USP31: variants seen among roughly 807,000 people sequenced by gnomAD.
The protein encoded by USP31 is ubiquitin carboxyl-terminal hydrolase 31.
USP31 carries 44 observed loss-of-function variants against 119.4 expected under a neutral mutation model. The observed-to-expected ratio is 0.37, with a 90% CI of 0.29 to 0.47. The LOEUF is 0.47. USP31 is among the 20% of genes least tolerant of loss of function. The pLI, the probability that USP31 is intolerant of heterozygous loss-of-function variation, is 0.99. For synonymous variants in USP31, 749 were observed against 705.6 expected (o/e 1.06, Z -0.97); for missense variants, 1,643 against 1,730.2 (o/e 0.95, Z 0.89).
chr16:23,125,375 C>T (rs1209327469), intron 1 of USP31, among the ~76,000 whole-genome samples: 1 of 152,158 alleles, frequency 6.6e-6, no homozygotes. Context: ...CTCAGCAATA[C>T]CCTCTGAAGC....
intron 13 of USP31, among the ~76,000 whole-genome samples, chr16:23,076,036 C>T (rs989390412): frequency 1.9e-4 from 29 of 152,154 alleles, no homozygotes; most frequent in Admixed American, 1.3e-3. Flanking sequence ...CAGTGAGCCA[C>T]GATCACACAC....
Position 23,068,802 on chromosome 16 carries a change from C to T in USP31, c.3303G>A (p.Pro1101=), listed in dbSNP as rs1450483712. The change falls in exon 16 of 16, where the codon CCG becomes CCA. Residue 1101 remains proline (P), a synonymous_variant. Coordinates refer to ENST00000219689, the MANE Select transcript of USP31 (RefSeq NM_020718.4). Reference sequence around the variant, plus strand: ...GAGATGACACGGAGTCCTGAGATTTCGGGGATGACTCCTTTTTGGGTTGGG... The same window carrying T: ...GAGATGACACGGAGTCCTGAGATTTTGGGGATGACTCCTTTTTGGGTTGGG... The part of the protein sequence containing the change: ...APAQPKKESS[P]KSQDSVSSPS... The T allele has an allele frequency of 3.2e-6, 5 of 1,557,786 alleles. No homozygotes were observed. Among genetic ancestry groups the T allele is most frequent in the Middle Eastern group, 1.7e-4 (1 of 5,758 alleles).
intron 7 of USP31, among the ~76,000 whole-genome samples, chr16:23,088,903 C>T (rs924898717): frequency 6.6e-6 from 1 of 152,168 alleles, no homozygotes; most frequent in Non-Finnish European, 1.5e-5. Context: ...GACTCAGGCC[C>T]AGAGGGAAGT....
At chr16:23,073,194 T>C (rs1900417051) in intron 14 of USP31, among the ~76,000 whole-genome samples, 3 of 152,144 alleles carry the variant, frequency 2.0e-5, no homozygotes, top group Admixed American at 6.5e-5. Flanking sequence ...CACCTAATAT[T>C]ATCACAGCCA....
rs756700932 is a variant in USP31, at chr16:23,064,460, C to T, written c.*3586G>A. Reference sequence around the variant, plus strand: ...ACAATGTTCCCCTCAAATCCCACATCCGTCTCATACAAACATAAGATGACC... The same window carrying T: ...ACAATGTTCCCCTCAAATCCCACATTCGTCTCATACAAACATAAGATGACC... On this transcript the variant is annotated 3_prime_UTR_variant, in exon 16 of 16. Transcript: ENST00000219689. 3 of 152,184 alleles carry T rather than the reference C, an allele frequency of 2.0e-5. No homozygotes were observed. The highest frequency in any genetic ancestry group is 2.9e-5 in the Non-Finnish European group (2 of 68,034). 9.4% of individuals were successfully genotyped at this position (152,184 alleles called of 1,614,324 possible).
At chr16:23,101,548 C>T (rs1007404235) in intron 6 of USP31, among the ~76,000 whole-genome samples, 1 of 152,102 alleles carries the variant, frequency 6.6e-6, no homozygotes, top group South Asian at 2.1e-4. Context: ...GCTTGCATCA[C>T]GATCACCTAC....
At chr16:23,087,317 T>C (rs1268284550) in intron 8 of USP31, 131 bp from the exon 9 acceptor site, 5 of 760,628 alleles carry the variant, frequency 6.6e-6, no homozygotes, top group Non-Finnish European at 1.1e-5. Flanking sequence ...TATAAGATTC[T>C]ATAAGGTTGT....
At position 23,090,651 on chromosome 16, in the gene USP31, C is replaced by G. The variant is rs567189319; in HGVS notation, c.1388G>C (p.Arg463Pro). The G allele has an allele frequency of 1.9e-6, 3 of 1,613,372 alleles. No individual in the cohort carries two copies. The South Asian group carries it at 3.3e-5, about 18-fold the overall frequency. The change falls in exon 7 of 16, where the codon CGA becomes CCA. Residue 463 changes from arginine (R) to proline (P), a missense_variant. Arg to Pro is a moderately radical substitution (Grantham distance 103, BLOSUM62 -2). Around this residue, in one of 5 missense-constraint regions of USP31, gnomAD observed 219 missense variants for 226.4 expected, o/e 0.97. Coordinates refer to ENST00000219689, the MANE Select transcript of USP31 (RefSeq NM_020718.4). Reference sequence around the variant, plus strand: ...TTTCCCTTGTTGCCCAGTGCAGGCTCGGTTACACACCAACAGGACAATCTT... The same window carrying G: ...TTTCCCTTGTTGCCCAGTGCAGGCTGGGTTACACACCAACAGGACAATCTT... ...SDKIVLLVCNRACTGQQGKRF... is the reference protein window; with the variant it reads ...SDKIVLLVCNPACTGQQGKRF...
In USP31 at chr16:23,062,964, T is replaced by G. The variant is rs1899909250; in HGVS notation, c.*5082A>C. The stretch of plus-strand genomic sequence containing the variant: ...TAAAGGGATGACGTATCATAGTGGT[T>G]CTCAATCTGTCTGCAAATTAGAAAC... On this transcript the variant is annotated 3_prime_UTR_variant, in exon 16 of 16. Transcript: ENST00000219689. 6.6e-6 allele frequency: 1 copy of G among 152,638 alleles called. No individual in the cohort carries two copies. The highest frequency in any genetic ancestry group is 1.5e-5 in the Non-Finnish European group (1 of 68,044). 9.5% of individuals were successfully genotyped at this position (152,638 alleles called of 1,614,324 possible).
chr16:23,114,331 G>T (rs1336082294), intron 1 of USP31, among the ~76,000 whole-genome samples: 1 of 151,986 alleles, frequency 6.6e-6, no homozygotes, highest in South Asian at 2.1e-4. Flanking sequence ...AGAGCTCTTA[G>T]GTGTAACAGG....
chr16:23,127,027 T>C (rs999292222), intron 1 of USP31, among the ~76,000 whole-genome samples: 1 of 152,236 alleles, frequency 6.6e-6, no homozygotes, highest in Non-Finnish European at 1.5e-5. Context: ...GAATAGATCT[T>C]GTTTTGCAGA....
At chr16:23,072,441 G>C in intron 14 of USP31, 1 of 609,396 alleles carries the variant, frequency 1.6e-6, no homozygotes, top group East Asian at 2.7e-5. Context: ...TGCAAGGATA[G>C]GGATGAATAC....
At chr16:23,145,455 G>A (rs548935502) in intron 1 of USP31, among the ~76,000 whole-genome samples, 5 of 152,254 alleles carry the variant, frequency 3.3e-5, no homozygotes, top group Admixed American at 6.5e-5. Flanking sequence ...TCTCCTCTGT[G>A]AAGACAGGAA....
intron 15 of USP31, among the ~76,000 whole-genome samples, chr16:23,069,817 C>T (rs995839027): frequency 1.3e-5 from 2 of 152,192 alleles, no homozygotes; most frequent in African/African-American, 4.8e-5. Flanking sequence ...AAAATAGGGA[C>T]ATTCTAACTC....
At chr16:23,130,095 G>A (rs1902982458) in intron 1 of USP31, among the ~76,000 whole-genome samples, 2 of 152,184 alleles carry the variant, frequency 1.3e-5, no homozygotes, top group South Asian at 2.1e-4. Context: ...CAAAGTCTCT[G>A]ATGCTACAGC....
rs922721189 is a variant in USP31 at position 23,062,832 on chromosome 16, A to C, written c.*5214T>G. 1.3e-5 allele frequency: 2 copies of C among 152,602 alleles called. No individual in the cohort carries two copies. Among genetic ancestry groups the C allele is most frequent in the Admixed American group, 6.5e-5 (1 of 15,270 alleles). 9.5% of individuals were successfully genotyped at this position (152,602 alleles called of 1,614,324 possible). On this transcript the variant is annotated 3_prime_UTR_variant, in exon 16 of 16. Coordinates refer to ENST00000219689, the MANE Select transcript of USP31 (RefSeq NM_020718.4). ...TTTCAAATGGGAGTTTGATATCAGT[A>C]TCTCTCAATTCTTTTTATTCTTATT...
Position 23,105,593 on chromosome 16 carries a change from C to A in USP31, c.954-17G>T. 1 of 1,534,892 alleles carries A rather than the reference C, an allele frequency of 6.5e-7. No homozygotes were observed. The highest frequency in any genetic ancestry group is 1.3e-5 in the South Asian group (1 of 77,874). ...TAGAGAGGCCTGTACAGATCAAAGT[C>A]AGATCTTCTCATTAGTCACTTATTT... On this transcript the variant is annotated splice_polypyrimidine_tract_variant and intron_variant, in intron 4 of 15. Transcript: ENST00000219689.
chr16:23,141,690 A>T (rs927248226), intron 1 of USP31, among the ~76,000 whole-genome samples: 1 of 152,062 alleles, frequency 6.6e-6, no homozygotes, highest in Non-Finnish European at 1.5e-5. Flanking sequence ...TGTAATTTTT[A>T]ATTTCATATT....
chr16:23,141,382 T>C (rs1355585131), intron 1 of USP31, among the ~76,000 whole-genome samples: 1 of 76,878 alleles, frequency 1.3e-5, no homozygotes, highest in Non-Finnish European at 3.2e-5. Flanking sequence ...TATACAATAA[T>C]TTTTTTTTTT....
Sources: gnomAD v4.1 joint callset for allele counts (sites outside exome capture counted in the v4.1 genomes callset) on GRCh38, gnomAD v4.1.1 for gene constraint, gnomAD v4.1.1 regional missense constraint, MANE v1.5 for transcripts, NCBI Gene and HGNC (gene_info 2026-07-23, HGNC 2026-07-21) for gene names.